Variants in SUPT3H observed in about 807,000 individuals in gnomAD.
SUPT3H encodes SPT3 homolog, SAGA and STAGA complex component, also known as transcription initiation protein SPT3 homolog.
A neutral mutation model predicts 44.3 loss-of-function variants in SUPT3H; 44 were observed. The observed-to-expected ratio is 0.99, with a 90% CI of 0.78 to 1.28. The LOEUF is 1.28. Ranked by LOEUF, SUPT3H falls within the 50% of genes most tolerant of loss-of-function variation. The pLI is 0.00. For synonymous variants in SUPT3H, 124 were observed against 125.6 expected (o/e 0.99, Z 0.09); for missense variants, 380 against 387.1 (o/e 0.98, Z 0.15).
Position 45,229,630 on chromosome 6 carries a change from A to G in SUPT3H, c.102-123624T>C, listed in dbSNP as rs187763642. 3.9e-5 allele frequency among the ~76,000 whole-genome samples: 6 copies of G among 152,300 alleles called. No individual in the cohort carries two copies. The East Asian group carries it at 1.2e-3, about 29-fold the overall frequency. ...AAGATAACAACTATTCCGAGAACACATTAAAGACTAAGTAGCTAAACCTCC... is the reference window on the plus strand; with the variant it reads ...AAGATAACAACTATTCCGAGAACACGTTAAAGACTAAGTAGCTAAACCTCC... On this transcript the variant is annotated intron_variant, in intron 2 of 10. Transcript: ENST00000371459.
At chr6:45,238,492 T>C (rs939950307) in intron 2 of SUPT3H, among the ~76,000 whole-genome samples, 3 of 152,218 alleles carry the variant, frequency 2.0e-5, no homozygotes, top group African/African-American at 7.2e-5. Flanking sequence ...TCACTAGCCC[T>C]TGGCAATTAA....
At chr6:45,222,995 T>C (rs1766312176) in intron 2 of SUPT3H, among the ~76,000 whole-genome samples, 1 of 151,872 alleles carries the variant, frequency 6.6e-6, no homozygotes, top group Non-Finnish European at 1.5e-5. Flanking sequence ...GTCAAAACAA[T>C]AGAAAGAAAG....
At chr6:45,289,112 T>C (rs1246458963) in intron 2 of SUPT3H, among the ~76,000 whole-genome samples, 2 of 152,188 alleles carry the variant, frequency 1.3e-5, no homozygotes, top group African/African-American at 2.4e-5. Context: ...TCATATTCCA[T>C]GTTTAACCAT....
At chr6:45,136,915 C>A (rs1007090106) in intron 2 of SUPT3H, among the ~76,000 whole-genome samples, 3 of 151,908 alleles carry the variant, frequency 2.0e-5, no homozygotes, top group African/African-American at 7.3e-5. Context: ...TAATGAAAAA[C>A]ATTAATCTAC....
intron 10 of SUPT3H, among the ~76,000 whole-genome samples, chr6:44,857,777 T>C (rs970490290): frequency 6.6e-6 from 1 of 152,176 alleles, no homozygotes; most frequent in African/African-American, 2.4e-5. Context: ...ACTATTCAAA[T>C]AGGCAACTAG....
chr6:44,901,498 A>G (rs1485983861), intron 10 of SUPT3H, among the ~76,000 whole-genome samples: 1 of 152,056 alleles, frequency 6.6e-6, no homozygotes, highest in Non-Finnish European at 1.5e-5. Context: ...AAACGAACAA[A>G]GCCTCCAAGA....
chr6:45,031,273 TA>T (rs1292756415), intron 3 of SUPT3H, among the ~76,000 whole-genome samples: 2 of 152,190 alleles, frequency 1.3e-5, no homozygotes, highest in Non-Finnish European at 2.9e-5. Flanking sequence ...ATTTTCCCAT[TA>T]AAAAATTTAG....
intron 3 of SUPT3H, among the ~76,000 whole-genome samples, chr6:45,027,042 T>G (rs57039159): frequency 0.025 from 3,572 of 140,806 alleles, 150 homozygotes; most frequent in African/African-American, 0.088. Context: ...CAGGCTGGAG[T>G]GCAGTGGTGT....
chr6:45,010,203 C>T (rs935837327), intron 5 of SUPT3H, among the ~76,000 whole-genome samples: 3 of 152,046 alleles, frequency 2.0e-5, no homozygotes, highest in East Asian at 1.9e-4. Context: ...GCAAACACAT[C>T]GAACCAGTCT....
At chr6:45,010,411 C>T (rs994975250) in intron 5 of SUPT3H, among the ~76,000 whole-genome samples, 6 of 152,166 alleles carry the variant, frequency 3.9e-5, no homozygotes, top group Admixed American at 6.6e-5. Flanking sequence ...GTCTTGTTCC[C>T]GATCTTATAA....
intron 3 of SUPT3H, among the ~76,000 whole-genome samples, chr6:45,069,342 A>C (rs986634122): frequency 1.3e-5 from 2 of 152,166 alleles, no homozygotes. Flanking sequence ...GTTGAACAGT[A>C]TGTGTTAGAC....
chr6:45,014,795 G>C lies in SUPT3H; in HGVS notation c.364+6C>G. The C allele has an allele frequency of 1.3e-6, 2 of 1,561,620 alleles. No individual in the cohort carries two copies. Among genetic ancestry groups the C allele is most frequent in the Non-Finnish European group, 1.7e-6 (2 of 1,157,860 alleles). On this transcript the variant is annotated splice_donor_region_variant and intron_variant, in intron 5 of 10. Transcript: ENST00000371459. ...ATGTTTTAGTTTTGTGTTTTGTTTT[G>C]GTTACCTTCGAGAAGATCATCCTCA...
At chr6:45,091,473 TA>T (rs1324790667) in intron 3 of SUPT3H, among the ~76,000 whole-genome samples, 1 of 151,980 alleles carries the variant, frequency 6.6e-6, no homozygotes, top group Admixed American at 6.6e-5. Flanking sequence ...AAGTACCCAT[TA>T]AAAAAACAGC....
intron 2 of SUPT3H, among the ~76,000 whole-genome samples, chr6:45,329,456 G>T (rs1409872532): frequency 1.3e-5 from 2 of 151,802 alleles, no homozygotes; most frequent in Admixed American, 1.3e-4. Context: ...ATATTAAAAA[G>T]TTCATGGAAG....
At chr6:44,890,421 G>A (rs1353521258) in intron 10 of SUPT3H, among the ~76,000 whole-genome samples, 6 of 151,954 alleles carry the variant, frequency 3.9e-5, no homozygotes, top group African/African-American at 4.8e-5. Context: ...ATGGAATACT[G>A]TGCAGCCATT....
chr6:45,186,678 T>C (rs1814268266), intron 2 of SUPT3H, among the ~76,000 whole-genome samples: 2 of 152,112 alleles, frequency 1.3e-5, no homozygotes, highest in Admixed American at 1.3e-4. Context: ...TGAGAAAATC[T>C]CAGAAGCAGG....
intron 2 of SUPT3H, among the ~76,000 whole-genome samples, chr6:45,348,151 A>G (rs530240374): frequency 7.2e-5 from 11 of 152,282 alleles, no homozygotes; most frequent in Admixed American, 2.6e-4. Context: ...AAAAAGGGGC[A>G]TACTTACATT....
At chr6:45,317,753 G>A (rs887155591) in intron 2 of SUPT3H, among the ~76,000 whole-genome samples, 4 of 151,870 alleles carry the variant, frequency 2.6e-5, no homozygotes, top group African/African-American at 9.7e-5. Flanking sequence ...AAAACAGAGG[G>A]GAAAAGCTCT....
At chr6:45,288,083 C>T (rs556636008) in intron 2 of SUPT3H, among the ~76,000 whole-genome samples, 1 of 152,128 alleles carries the variant, frequency 6.6e-6, no homozygotes, top group Non-Finnish European at 1.5e-5. Flanking sequence ...TAGAACTTAC[C>T]TAATACTATT....
Sources: gnomAD v4.1 joint callset for allele counts (sites outside exome capture counted in the v4.1 genomes callset) on GRCh38, gnomAD v4.1.1 for gene constraint, MANE v1.5 for transcripts, NCBI Gene and HGNC (gene_info 2026-07-23, HGNC 2026-07-21) for gene names.